COL5A1: variants seen among roughly 807,000 people sequenced by gnomAD.
COL5A1 encodes the protein collagen type V alpha 1 chain, also known as collagen alpha-1(V) chain.
In COL5A1, 16 loss-of-function variants were observed where a neutral mutation model predicts 263.7. The ratio of observed to expected loss-of-function variants is 0.06; its 90% CI spans 0.04 to 0.09. COL5A1 has a LOEUF of 0.09. Ranked by LOEUF, COL5A1 falls within the 10% of genes least tolerant of loss-of-function variation. The probability of loss-of-function intolerance (pLI) is 1.00; values close to 1 mark genes in which losing one functional copy is unlikely to be tolerated. For missense variants in COL5A1, 2,036 were observed against 2,540.5 expected (o/e 0.80, Z 4.27); for synonymous variants, 1,012 against 1,004.5 (o/e 1.01, Z -0.14).
In COL5A1 at chr9:134,761,916, A is replaced by T. The variant is rs897923956; in HGVS notation, c.1936-9A>T. On this transcript the variant is annotated splice_polypyrimidine_tract_variant and intron_variant, in intron 18 of 65. Transcript: ENST00000371817. Reference sequence around the variant, plus strand: ...AGGAGAGGCTGACGTTGACCCTTTCACTTCCTAGGGTGACCCTGGTCCTTC... The same window carrying T: ...AGGAGAGGCTGACGTTGACCCTTTCTCTTCCTAGGGTGACCCTGGTCCTTC... 3 of 1,613,066 alleles carry T rather than the reference A, an allele frequency of 1.9e-6. No homozygotes were observed. The highest frequency in any genetic ancestry group is 2.7e-5 in the African/African-American group (2 of 74,874).
At position 134,823,440 on chromosome 9, in the gene COL5A1, G is replaced by A. The variant is rs1839108742; in HGVS notation, c.4669G>A (p.Ala1557Thr). 1.2e-6 allele frequency: 2 copies of A among 1,614,068 alleles called. No homozygotes were observed. Among genetic ancestry groups the A allele is most frequent in the Non-Finnish European group, 1.7e-6 (2 of 1,180,018 alleles). ...GGGTCCAACTGGCCCGAAGGGTGAG[G>A]CAGGCCACCCAGGACCCCCAGGCCC... ...SSGPTGPKGE[A>T]GHPGPPGPPG... is the part of the protein sequence containing the mutation. The change falls in exon 61 of 66, where the codon GCA becomes ACA. Residue 1557 changes from alanine (A) to threonine (T), a missense_variant. Transcript: ENST00000371817.
rs547277365 is a variant in COL5A1, at chr9:134,734,520, C to T, written c.1389+2393C>T. 4.7e-4 allele frequency among the ~76,000 whole-genome samples: 72 copies of T among 152,364 alleles called. 1 individual carries two copies. The highest frequency in any genetic ancestry group is 1.7e-3 in the African/African-American group (69 of 41,596). On this transcript the variant is annotated intron_variant, in intron 9 of 65. Transcript: ENST00000371817. ...CAGATGGCCAGGTCCTGGGGCCCTG[C>T]GGGCGTCCCGGCCTGTGGAAGGGGG... is the stretch of plus-strand genomic sequence containing the variant.
chr9:134,643,829 C>A (rs535655158), intron 1 of COL5A1, among the ~76,000 whole-genome samples: 43 of 152,242 alleles, frequency 2.8e-4, no homozygotes, highest in African/African-American at 1.0e-3. Flanking sequence ...AGGAGGGAGT[C>A]CTTCAGGGGA....
intron 9 of COL5A1, among the ~76,000 whole-genome samples, chr9:134,735,946 G>A (rs1190288147): frequency 6.6e-6 from 1 of 152,264 alleles, no homozygotes; most frequent in East Asian, 1.9e-4. Context: ...CTGGTACCCA[G>A]CACCTCTGGT....
intron 1 of COL5A1, among the ~76,000 whole-genome samples, chr9:134,670,678 C>T (rs766240818): frequency 2.0e-5 from 3 of 152,184 alleles, no homozygotes; most frequent in Non-Finnish European, 4.4e-5. Context: ...AGAGTGGAAA[C>T]TCACATGCAT....
chr9:134,691,148 C>G, intron 2 of COL5A1, 69 bp downstream of exon 2: 1 of 1,592,102 alleles, frequency 6.3e-7, no homozygotes, highest in Non-Finnish European at 8.6e-7. Context: ...CCAGGAGCAG[C>G]GCTCAAGCCT....
chr9:134,760,653 A>ACACACACC (rs578153915), intron 18 of COL5A1, among the ~76,000 whole-genome samples: 6,121 of 96,488 alleles, frequency 0.063, 701 homozygotes, highest in East Asian at 0.17. Context: ...ACACTCATGC[A>ACACACACC]CACACACACA....
chr9:134,818,772 G>A lies in COL5A1; in HGVS notation c.4338+9G>A, dbSNP rs1461383660. ...GGATCCCTGGCCCTGTGGTGAGTAG[G>A]CTGTGAGGGGCAGAGGGGTTGCCGA... is the stretch of plus-strand genomic sequence containing the variant. On this transcript the variant is annotated intron_variant, in intron 55 of 65. Coordinates refer to ENST00000371817, the MANE Select transcript of COL5A1 (RefSeq NM_000093.5). The surrounding 1 kb of genome is among the most constrained non-coding windows in gnomAD (Gnocchi z 6.0). 1.2e-6 allele frequency: 2 copies of A among 1,612,564 alleles called. No homozygotes were observed. Among genetic ancestry groups the A allele is most frequent in the South Asian group, 1.1e-5 (1 of 91,034 alleles).
chr9:134,703,851 G>A (rs528284776), intron 4 of COL5A1, among the ~76,000 whole-genome samples: 1 of 151,820 alleles, frequency 6.6e-6, no homozygotes, highest in African/African-American at 2.4e-5. Context: ...GTGTTAGCCA[G>A]GATGGTCTCG....
Position 134,730,494 on chromosome 9 carries a change from A to C in COL5A1, c.1164+19A>C. ...CTCCAATGTAATTTCTTTCCTTCCC[A>C]TTGGTTTGGTCTGGGGCAGTGGGCC... is the stretch of plus-strand genomic sequence containing the variant. On this transcript the variant is annotated intron_variant, in intron 7 of 65. Transcript: ENST00000371817. 6.2e-7 allele frequency: 1 copy of C among 1,613,350 alleles called. No individual in the cohort carries two copies. The highest frequency in any genetic ancestry group is 1.1e-5 in the South Asian group (1 of 91,062).
At chr9:134,727,454 G>C (rs1223375202) in intron 5 of COL5A1, 57 bp downstream of exon 5, 9 of 1,599,032 alleles carry the variant, frequency 5.6e-6, no homozygotes, top group Non-Finnish European at 7.7e-6. Flanking sequence ...TGGGATGGTT[G>C]GTGAAGAGAC....
At chr9:134,740,936 G>A (rs781195262) in intron 11 of COL5A1, among the ~76,000 whole-genome samples, 15 of 152,206 alleles carry the variant, frequency 9.9e-5, no homozygotes, top group Non-Finnish European at 1.9e-4. Flanking sequence ...TCTGCCATCC[G>A]TGGAGTCAGA....
intron 26 of COL5A1, among the ~76,000 whole-genome samples, chr9:134,774,116 A>G (rs934236349): frequency 6.6e-6 from 1 of 152,194 alleles, no homozygotes; most frequent in Non-Finnish European, 1.5e-5. Flanking sequence ...TTCAACTGGA[A>G]CGAGAGGCAT....
In COL5A1 at chr9:134,823,427, C is replaced by T. The variant is rs1839107730; in HGVS notation, c.4656C>T (p.Gly1552=). 6.2e-7 allele frequency: 1 copy of T among 1,614,206 alleles called. No individual in the cohort carries two copies. Among genetic ancestry groups the T allele is most frequent in the Non-Finnish European group, 8.5e-7 (1 of 1,180,016 alleles). ...KGAKGSSGPT[G]PKGEAGHPGP... ...TTCTTTCTCCCCAGGGTCCAACTGG[C>T]CCGAAGGGTGAGGCAGGCCACCCAG... The change falls in exon 61 of 66, where the codon GGC becomes GGT. Residue 1552 remains glycine, a synonymous_variant. Coordinates refer to ENST00000371817, the MANE Select transcript of COL5A1 (RefSeq NM_000093.5).
chr9:134,646,449 C>T (rs561014643), intron 1 of COL5A1, among the ~76,000 whole-genome samples: 4 of 152,318 alleles, frequency 2.6e-5, no homozygotes, highest in African/African-American at 9.6e-5. Context: ...ATCTTGCTCT[C>T]TTCCCTCCTT....
At chr9:134,654,158 GTAGGGCTGGAGGTGTA>G (rs1831806403) in intron 1 of COL5A1, among the ~76,000 whole-genome samples, 3 of 138,062 alleles carry the variant, frequency 2.2e-5, no homozygotes, top group Admixed American at 7.3e-5. Flanking sequence ...CTGGGGGTAT[GTAGGGCTGGAGGTGTA>G]TAGGGCTGGA....
intron 4 of COL5A1, among the ~76,000 whole-genome samples, chr9:134,718,222 C>T (rs1834339253): frequency 6.6e-6 from 1 of 152,240 alleles, no homozygotes; most frequent in Non-Finnish European, 1.5e-5. Context: ...CAACATGCTC[C>T]CGCCGTGGCC....
intron 31 of COL5A1, among the ~76,000 whole-genome samples, chr9:134,786,282 C>T (rs1021634312): frequency 2.6e-5 from 4 of 152,186 alleles, no homozygotes; most frequent in Non-Finnish European, 4.4e-5. Context: ...GATGCTCCAC[C>T]GGCCGTCTCC....
At chr9:134,839,756 C>T (rs184135912) in intron 65 of COL5A1, among the ~76,000 whole-genome samples, 1 of 152,338 alleles carries the variant, frequency 6.6e-6, no homozygotes, top group East Asian at 1.9e-4. Context: ...TTGGTACCCT[C>T]AGGGTTCACC....
Sources: allele counts gnomAD v4.1 joint callset (sites outside exome capture counted in the v4.1 genomes callset), GRCh38; gene constraint gnomAD v4.1.1; non-coding constraint Gnocchi (gnomAD v3.1); transcripts MANE v1.5; gene names NCBI Gene and HGNC (gene_info 2026-07-23, HGNC 2026-07-21).